ARID5B: variants seen among roughly 807,000 people sequenced by gnomAD.
The protein encoded by ARID5B is AT-rich interactive domain-containing protein 5B.
In ARID5B, 13 loss-of-function variants were observed where a neutral mutation model predicts 97.2. The ratio of observed to expected loss-of-function variants is 0.13; its 90% confidence interval spans 0.09 to 0.21. The LOEUF is 0.21. Among genes scored for constraint, ARID5B ranks in the 10% least tolerant of loss-of-function variants. ARID5B has a pLI of 1.00. For missense variants in ARID5B, 1,210 were observed against 1,465.3 expected (o/e 0.83, Z 2.84); for synonymous variants, 556 against 570.3 (o/e 0.97, Z 0.36).
chr10:61,999,042 A>AC (rs1839040666), intron 3 of ARID5B, among the ~76,000 whole-genome samples: 1 of 152,262 alleles, frequency 6.6e-6, no homozygotes, highest in African/African-American at 2.4e-5. Context: ...GGTCAGTGGT[A>AC]CACTGGGTCT....
chr10:61,978,567 GTCCTTC>G, intron 3 of ARID5B, among the ~76,000 whole-genome samples: 1 of 152,080 alleles, frequency 6.6e-6, no homozygotes, highest in South Asian at 2.1e-4. Context: ...CCTTGAAGAG[GTCCTTC>G]ACATCCCTTG....
chr10:62,071,481 T>C (rs1424616307), intron 8 of ARID5B, among the ~76,000 whole-genome samples: 1 of 151,024 alleles, frequency 6.6e-6, no homozygotes, highest in Non-Finnish European at 1.5e-5. Flanking sequence ...GAAAAAGGAG[T>C]GTATCTCAGC....
intron 4 of ARID5B, among the ~76,000 whole-genome samples, chr10:62,021,759 G>A (rs1217332767): frequency 1.3e-5 from 2 of 152,202 alleles, no homozygotes; most frequent in Non-Finnish European, 2.9e-5. Context: ...AGTTGGAGCT[G>A]TGCAAACCCA....
chr10:61,929,004 C>T (rs1460464990), intron 2 of ARID5B, among the ~76,000 whole-genome samples: 3 of 152,146 alleles, frequency 2.0e-5, no homozygotes, highest in Admixed American at 2.0e-4. Context: ...CTTCCCCCTA[C>T]CCGTCTCCAT....
In ARID5B at chr10:62,077,522, A is replaced by AC. The variant is rs565181528; in HGVS notation, c.1199+7733dup. 2.3e-3 allele frequency among the ~76,000 whole-genome samples: 288 copies of AC among 124,332 alleles called. 11 individuals carry two copies. The South Asian group carries it at 0.066, about 28-fold the overall frequency. 81.6% of individuals were successfully genotyped at this position (124,332 alleles called of 152,430 possible). ...TAAACTACAGCGAGTTCTTTGTTTGACCCCCCCCAAAAAAAAAGCTTGCCA... is the reference window on the plus strand; with the variant it reads ...TAAACTACAGCGAGTTCTTTGTTTGACCCCCCCCCAAAAAAAAAGCTTGCCA... On this transcript the variant is annotated intron_variant, in intron 8 of 9. Coordinates refer to ENST00000279873, the MANE Select transcript of ARID5B (RefSeq NM_032199.3).
intron 2 of ARID5B, among the ~76,000 whole-genome samples, chr10:61,909,151 TAACCTGTCGTGCACTTTATACC>T (rs1843756014): frequency 1.3e-5 from 2 of 152,100 alleles, no homozygotes; most frequent in African/African-American, 4.8e-5. Context: ...TGGTTGGTTG[TAACCTGTCGTGCACTTTATACC>T]TTGTGCCTTA....
chr10:61,981,734 G>C (rs1002301773), intron 3 of ARID5B, among the ~76,000 whole-genome samples: 1 of 152,150 alleles, frequency 6.6e-6, no homozygotes, highest in East Asian at 1.9e-4. Flanking sequence ...GATGGAACAA[G>C]TTCCTCAAGT....
chr10:62,035,441 G>A (rs753152280), intron 4 of ARID5B, among the ~76,000 whole-genome samples: 39 of 152,162 alleles, frequency 2.6e-4, no homozygotes, highest in Non-Finnish European at 5.6e-4. Flanking sequence ...TTTCAGTACA[G>A]GGTGCCAGGT....
intron 3 of ARID5B, among the ~76,000 whole-genome samples, chr10:61,994,414 T>A (rs1447367322): frequency 2.0e-5 from 3 of 152,196 alleles, no homozygotes; most frequent in Non-Finnish European, 4.4e-5. Context: ...AGCAAATTTC[T>A]CCTCTGGAAT....
At chr10:61,945,821 A>G (rs923458787) in intron 3 of ARID5B, among the ~76,000 whole-genome samples, 2 of 152,002 alleles carry the variant, frequency 1.3e-5, no homozygotes, top group Non-Finnish European at 2.9e-5. Flanking sequence ...GCCATGTGGT[A>G]CAAGGTTAGC....
chr10:62,050,824 G>A, intron 4 of ARID5B, 64 bp from the exon 5 acceptor site: 2 of 1,359,304 alleles, frequency 1.5e-6, no homozygotes, highest in Non-Finnish European at 2.1e-6. Context: ...TGAGATTCTG[G>A]GTCTTTAATA....
intron 3 of ARID5B, among the ~76,000 whole-genome samples, chr10:61,959,904 G>A (rs753975520): frequency 1.4e-4 from 21 of 152,210 alleles, no homozygotes; most frequent in Admixed American, 5.2e-4. Context: ...CCCAGAAAAC[G>A]TTTACATCCA....
intron 9 of ARID5B, among the ~76,000 whole-genome samples, chr10:62,086,473 G>A (rs1388387207): frequency 2.6e-5 from 4 of 151,718 alleles, no homozygotes; most frequent in South Asian, 2.1e-4. Context: ...AGGCTGAGGC[G>A]GGCGGATCAC....
intron 3 of ARID5B, among the ~76,000 whole-genome samples, chr10:61,990,356 T>G (rs1401219458): frequency 1.3e-5 from 2 of 152,226 alleles, no homozygotes; most frequent in African/African-American, 4.8e-5. Context: ...ATGAGATGAC[T>G]GCCTAACCAC....
intron 4 of ARID5B, among the ~76,000 whole-genome samples, chr10:62,021,951 T>C (rs1839361610): frequency 6.6e-6 from 1 of 152,364 alleles, no homozygotes; most frequent in East Asian, 1.9e-4. Context: ...TTATCAATTT[T>C]CTCCTTTTGG....
chr10:61,933,931 A>G (rs1034059533), intron 2 of ARID5B, among the ~76,000 whole-genome samples: 4 of 152,374 alleles, frequency 2.6e-5, no homozygotes, highest in Non-Finnish European at 5.9e-5. Flanking sequence ...CTCACTATCT[A>G]TGAAAGTCCT....
At chr10:62,087,029 G>A (rs984059306) in intron 9 of ARID5B, among the ~76,000 whole-genome samples, 4 of 152,112 alleles carry the variant, frequency 2.6e-5, no homozygotes, top group Admixed American at 6.5e-5. Flanking sequence ...GGCCGGGCGC[G>A]GTGGCTCACG....
Position 62,087,519 on chromosome 10 carries a change from C to T in ARID5B, c.1398+1619C>T, listed in dbSNP as rs142449988. ...CCATTTCAACATGAATAATAAAAAACGCTGCTGCCCATTAAAAAAAAAAAA... is the reference window on the plus strand; with the variant it reads ...CCATTTCAACATGAATAATAAAAAATGCTGCTGCCCATTAAAAAAAAAAAA... On this transcript the variant is annotated intron_variant, in intron 9 of 9. Transcript: ENST00000279873. 2.2e-3 allele frequency among the ~76,000 whole-genome samples: 329 copies of T among 149,444 alleles called. 1 individual carries two copies. The East Asian group carries it at 0.037, about 17-fold the overall frequency.
At chr10:62,078,677 G>A (rs1320797636) in intron 8 of ARID5B, among the ~76,000 whole-genome samples, 2 of 152,150 alleles carry the variant, frequency 1.3e-5, no homozygotes, top group African/African-American at 2.4e-5. Context: ...CATAACATCA[G>A]CCTTCCTTAA....
Sources: gnomAD v4.1 joint callset for allele counts (sites outside exome capture counted in the v4.1 genomes callset) on GRCh38, gnomAD v4.1.1 for gene constraint, MANE v1.5 for transcripts, NCBI Gene and HGNC (gene_info 2026-07-23, HGNC 2026-07-21) for gene names.